FAM81A: variants seen among roughly 807,000 people sequenced by gnomAD.
FAM81A encodes family with sequence similarity 81 member A.
A neutral mutation model predicts 46.7 loss-of-function variants in FAM81A; 19 were observed. That is an observed-to-expected ratio of 0.41 (90% CI 0.28 to 0.60). The LOEUF is 0.60. Among genes scored for constraint, FAM81A ranks in the 20% least tolerant of loss-of-function variants. The pLI, the probability that FAM81A is intolerant of heterozygous loss-of-function variation, is 0.34. For synonymous variants in FAM81A, 183 were observed against 152.9 expected (o/e 1.20, Z -1.45); for missense variants, 377 against 453.5 (o/e 0.83, Z 1.53).
At chr15:59,454,107 C>T (rs1431073261) in intron 1 of FAM81A, among the ~76,000 whole-genome samples, 3 of 152,208 alleles carry the variant, frequency 2.0e-5, no homozygotes, top group Non-Finnish European at 4.4e-5. Flanking sequence ...CCAGACAAAC[C>T]TTCCACTGTT....
At chr15:59,459,868 G>A in intron 2 of FAM81A, 65 bp from the exon 3 acceptor site, 2 of 1,476,910 alleles carry the variant, frequency 1.4e-6, no homozygotes, top group South Asian at 1.4e-5. Flanking sequence ...TCTCTGGGAA[G>A]TTTTGAATCT....
At chr15:59,428,346 G>T (rs1308118025) in intron 2 of FAM81A, among the ~76,000 whole-genome samples, 3 of 151,848 alleles carry the variant, frequency 2.0e-5, no homozygotes, top group African/African-American at 7.3e-5. Context: ...AATCTGCAGT[G>T]ATTGCTCTCC....
rs201316272 is a variant in FAM81A at position 59,401,719 on chromosome 15, CT to C, written c.-160-556del. The C allele has an allele frequency of 8.3e-4, 645 of 775,970 alleles. 6 individuals carry two copies. In the East Asian group the frequency reaches 0.011, roughly 13 times the overall value. 48.1% of individuals were successfully genotyped at this position (775,970 alleles called of 1,614,324 possible). On this transcript the variant is annotated intron_variant, in intron 1 of 4. Transcript: ENST00000558348. ...AAAGTACTTTAGCTCGAGATTGTCC[CT>C]CTCTGTCCAGCAGATAGGCAGGTAC... is the stretch of plus-strand genomic sequence containing the variant.
At chr15:59,401,997 T>C in intron 1 of FAM81A, 1 of 653,310 alleles carries the variant, frequency 1.5e-6, no homozygotes, top group Non-Finnish European at 2.8e-6. Flanking sequence ...ATATTTGTTC[T>C]GTGGCATGTT....
intron 3 of FAM81A, among the ~76,000 whole-genome samples, chr15:59,473,259 A>G (rs1162431479): frequency 6.6e-6 from 1 of 152,184 alleles, no homozygotes; most frequent in African/African-American, 2.4e-5. Context: ...TAAATAAGCA[A>G]TTGATAAGTT....
chr15:59,464,751 C>T (rs1260402605), intron 3 of FAM81A, among the ~76,000 whole-genome samples: 1 of 152,114 alleles, frequency 6.6e-6, no homozygotes, highest in African/African-American at 2.4e-5. Flanking sequence ...TATTTTTCTC[C>T]CATCCTGTAG....
At chr15:59,509,700 G>A (rs1467808157) in intron 6 of FAM81A, among the ~76,000 whole-genome samples, 4 of 152,330 alleles carry the variant, frequency 2.6e-5, no homozygotes, top group East Asian at 1.9e-4. Flanking sequence ...AGGAAGGGAT[G>A]TTTGAGGTGA....
At position 59,501,995 on chromosome 15, in the gene FAM81A, T is replaced by C. The variant is rs537402707; in HGVS notation, c.414-5218T>C. On this transcript the variant is annotated intron_variant, in intron 4 of 8. Transcript: ENST00000288228. Reference sequence around the variant, plus strand: ...TAGCAATATTCCTTTCCTTCTTTTATCTTAAATATATTTTTATTTTGAAAT... The same window carrying C: ...TAGCAATATTCCTTTCCTTCTTTTACCTTAAATATATTTTTATTTTGAAAT... Among the ~76,000 whole-genome samples the C allele has an allele frequency of 2.0e-5, 3 of 152,110 alleles. No individual in the cohort carries two copies. The East Asian group carries it at 5.8e-4, about 29-fold the overall frequency.
chr15:59,500,592 A>G (rs2082080994), intron 4 of FAM81A, among the ~76,000 whole-genome samples: 1 of 151,498 alleles, frequency 6.6e-6, no homozygotes, highest in African/African-American at 2.4e-5. Context: ...GTAAGCCACC[A>G]TGCCTGGCAT....
intron 3 of FAM81A, among the ~76,000 whole-genome samples, chr15:59,484,058 C>G (rs2081888253): frequency 6.6e-6 from 1 of 152,302 alleles, no homozygotes; most frequent in African/African-American, 2.4e-5. Flanking sequence ...CCACTACTCT[C>G]AAGACTACCT....
intron 3 of FAM81A, among the ~76,000 whole-genome samples, chr15:59,475,772 C>A (rs1339595497): frequency 1.3e-5 from 2 of 152,118 alleles, no homozygotes; most frequent in Non-Finnish European, 2.9e-5. Flanking sequence ...TTTAAGACTC[C>A]AATGTGAAAC....
Position 59,509,523 on chromosome 15 carries a change from A to G in FAM81A, c.650+554A>G, listed in dbSNP as rs550749147. ...CTGATAAGCCTGATGTGATCACTAG[A>G]GTCCTTATAAGAGGGAGGCAATAGG... On this transcript the variant is annotated intron_variant, in intron 6 of 8. Coordinates refer to ENST00000288228, the MANE Select transcript of FAM81A (RefSeq NM_152450.3). Among the ~76,000 whole-genome samples the G allele has an allele frequency of 7.2e-4, 110 of 152,290 alleles. 1 individual carries two copies. The highest frequency in any genetic ancestry group is 2.4e-3 in the African/African-American group (101 of 41,548).
At chr15:59,461,310 G>T (rs1596489588) in intron 3 of FAM81A, among the ~76,000 whole-genome samples, 1 of 151,642 alleles carries the variant, frequency 6.6e-6, no homozygotes, top group South Asian at 2.1e-4. Flanking sequence ...CTTTCTTTTT[G>T]TTTGTTTGTT....
At chr15:59,480,270 T>C (rs1484125089) in intron 3 of FAM81A, among the ~76,000 whole-genome samples, 1 of 152,234 alleles carries the variant, frequency 6.6e-6, no homozygotes, top group Non-Finnish European at 1.5e-5. Flanking sequence ...TTTGAAATTA[T>C]ACTTCCTCAT....
intron 2 of FAM81A, among the ~76,000 whole-genome samples, chr15:59,419,652 T>C (rs527900455): frequency 5.3e-5 from 8 of 152,272 alleles, no homozygotes; most frequent in African/African-American, 1.4e-4. Flanking sequence ...GGCGGGCAGA[T>C]TGCTTGAAGT....
chr15:59,435,293 CA>C (rs1354817266), upstream of FAM81A, among the ~76,000 whole-genome samples: 4 of 151,484 alleles, frequency 2.6e-5, no homozygotes, highest in East Asian at 7.8e-4. Flanking sequence ...CTCAAACAAA[CA>C]AACAAGCAAA....
intron 3 of FAM81A, among the ~76,000 whole-genome samples, chr15:59,472,263 C>T (rs1315221892): frequency 2.6e-5 from 4 of 152,000 alleles, no homozygotes; most frequent in Non-Finnish European, 5.9e-5. Flanking sequence ...AATCGTTGAA[C>T]CTCGGAGGTT....
chr15:59,482,303 T>C (rs540151153), intron 3 of FAM81A, among the ~76,000 whole-genome samples: 45 of 152,320 alleles, frequency 3.0e-4, no homozygotes, highest in Non-Finnish European at 4.7e-4. Flanking sequence ...GGTTTTGCTC[T>C]TGTCATCCAG....
intron 1 of FAM81A, among the ~76,000 whole-genome samples, chr15:59,450,361 C>T (rs558416802): frequency 6.6e-6 from 1 of 152,074 alleles, no homozygotes; most frequent in South Asian, 2.1e-4. Flanking sequence ...AGAATGCTAC[C>T]TTAAGTATTC....
Sources: allele counts gnomAD v4.1 joint callset (sites outside exome capture counted in the v4.1 genomes callset), GRCh38; gene constraint gnomAD v4.1.1; transcripts MANE v1.5; gene names NCBI Gene and HGNC (gene_info 2026-07-23, HGNC 2026-07-21).